Variants in BAHCC1 observed in about 807,000 individuals in gnomAD.
BAHCC1 encodes the protein BAH and coiled-coil domain-containing protein 1.
In BAHCC1, 43 loss-of-function variants were observed where a neutral mutation model predicts 88.2. The observed-to-expected ratio is 0.49, with a 90% CI of 0.38 to 0.63. The LOEUF (loss-of-function observed/expected upper bound fraction) is 0.63, where lower values mean the gene tolerates loss of function less well. Ranked by LOEUF, BAHCC1 falls within the 20% of genes least tolerant of loss-of-function variation. The pLI is 0.00. For missense variants in BAHCC1, 3,023 were observed against 1,654.8 expected (o/e 1.83, Z -14.34); for synonymous variants, 1,510 against 745.5 (o/e 2.03, Z -16.71).
chr17:81,407,571 G>A (rs2063896776), intron 2 of BAHCC1, among the ~76,000 whole-genome samples: 2 of 152,236 alleles, frequency 1.3e-5, no homozygotes, highest in African/African-American at 4.8e-5. Flanking sequence ...CCAGGATGGG[G>A]GTGCCATGGT....
intron 17 of BAHCC1, 114 bp from the exon 18 acceptor site, chr17:81,458,051 C>T (rs2029889367): frequency 1.6e-6 from 1 of 621,468 alleles, no homozygotes; most frequent in African/African-American, 2.1e-5. Flanking sequence ...GCTGGGTAAC[C>T]CGGGGGCGGG....
intron 2 of BAHCC1, among the ~76,000 whole-genome samples, chr17:81,416,242 G>GCGTGTGTGTA (rs782704117): frequency 4.0e-5 from 6 of 150,358 alleles, no homozygotes; most frequent in Non-Finnish European, 8.9e-5. Flanking sequence ...GTGGGTGTAT[G>GCGTGTGTGTA]CGTGTGTGTA....
In BAHCC1 at chr17:81,458,401, C is replaced by A; in HGVS notation, c.5278C>A (p.Gln1760Lys). Residue 1760 changes from glutamine (Q) to lysine (K), a missense_variant, in exon 18 of 28, where the codon CAG (glutamine) becomes AAG (lysine). By Grantham distance (53) the Gln-to-Lys change is moderately conservative. Coordinates refer to ENST00000675386, the MANE Select transcript of BAHCC1 (RefSeq NM_001377448.1). ...RAFACREEGS[Q>K]LASERLKRAT... ...CTTCGCCTGCCGTGAGGAGGGCAGC[C>A]AGCTGGCCAGTGAGCGCCTCAAGAG... is the stretch of plus-strand genomic sequence containing the variant. The A allele has an allele frequency of 1.3e-6, 1 of 743,176 alleles. No individual in the cohort carries two copies. Among genetic ancestry groups the A allele is most frequent in the Non-Finnish European group, 2.5e-6 (1 of 403,116 alleles). 46.0% of individuals were successfully genotyped at this position (743,176 alleles called of 1,614,324 possible).
At chr17:81,425,943 A>G (rs1462288232) in intron 2 of BAHCC1, among the ~76,000 whole-genome samples, 16 of 118,136 alleles carry the variant, frequency 1.4e-4, no homozygotes, top group African/African-American at 5.4e-4. Flanking sequence ...GTGATTGGTG[A>G]TGTGGTTGGT....
intron 10 of BAHCC1, among the ~76,000 whole-genome samples, chr17:81,446,191 A>C (rs2064523544): frequency 6.6e-6 from 1 of 152,108 alleles, no homozygotes; most frequent in Non-Finnish European, 1.5e-5. Context: ...GTCACACTGG[A>C]AACCGTGTGG....
intron 2 of BAHCC1, among the ~76,000 whole-genome samples, chr17:81,418,766 CGTGTGTGTACGT>C (rs1445264083): frequency 7.1e-6 from 1 of 139,974 alleles, no homozygotes; most frequent in South Asian, 2.4e-4. Context: ...TGTGTGTGTA[CGTGTGTGTACGT>C]GTGTGTGTAC....
intron 14 of BAHCC1, among the ~76,000 whole-genome samples, chr17:81,453,358 C>T (rs1269528377): frequency 3.9e-5 from 6 of 152,258 alleles, no homozygotes; most frequent in Non-Finnish European, 4.4e-5. Flanking sequence ...CCGGCAGGCC[C>T]ATTTGCATAA....
In BAHCC1 at chr17:81,444,758, A is replaced by G. The variant is rs782185820; in HGVS notation, c.2603A>G (p.Gln868Arg). The change falls in exon 8 of 28, where the codon CAG (glutamine) becomes CGG (arginine). Residue 868 changes from glutamine to arginine, a missense_variant. Physicochemically the swap from Gln to Arg is conservative, Grantham distance 43 (BLOSUM62 1). Transcript: ENST00000675386. ...GPVPSVFPLP[Q>R]DAPTQLVILP... is the part of the protein sequence containing the mutation. ...GTGCCCTCTGTCTTCCCCCTCCCAC[A>G]GGACGCCCCCACACAGCTGGTCATC... 9.0e-6 allele frequency: 7 copies of G among 778,218 alleles called. No homozygotes were observed. In the African/African-American group the frequency reaches 1.0e-4, roughly 11 times the overall value. 48.2% of individuals were successfully genotyped at this position (778,218 alleles called of 1,614,324 possible). A position where few individuals can be genotyped will look rare whatever the true frequency, so the allele number is the denominator to read the frequency against.
chr17:81,419,235 C>A (rs1304077136), intron 2 of BAHCC1, among the ~76,000 whole-genome samples: 2 of 152,216 alleles, frequency 1.3e-5, no homozygotes, highest in East Asian at 3.9e-4. Context: ...TGGCCTCTCA[C>A]CCCAGGCAGA....
At position 81,399,150 on chromosome 17, in the gene BAHCC1, T is replaced by TGTGC. The variant is rs1555645422; in HGVS notation, c.-206-382_-206-379dup. 5.3e-6 allele frequency: 2 copies of TGTGC among 380,698 alleles called. No homozygotes were observed. Among genetic ancestry groups the TGTGC allele is most frequent in the Non-Finnish European group, 1.1e-5 (2 of 188,870 alleles). The allele number at this position is 380,698 out of a possible 1,614,324, so 23.6% of individuals were successfully genotyped here. A position where few individuals can be genotyped will look rare whatever the true frequency, so the allele number is the denominator to read the frequency against. ...GTGAGTGTGTGTGTGTGTGTGTGTG[T>TGTGC]GTGCGAGTGTGCGTGATGGCTTCGC... On this transcript the variant is annotated intron_variant, in intron 1 of 27. Coordinates refer to ENST00000675386, the MANE Select transcript of BAHCC1 (RefSeq NM_001377448.1). This position sits in a 1 kb window ranked among gnomAD's most constrained non-coding sequence, Gnocchi z 4.5.
chr17:81,429,800 G>C (rs2064239751), intron 3 of BAHCC1, among the ~76,000 whole-genome samples: 1 of 152,176 alleles, frequency 6.6e-6, no homozygotes, highest in Non-Finnish European at 1.5e-5. Context: ...GGCCAGGGTG[G>C]GGCAGGCCAC....
Position 81,416,093 on chromosome 17 carries a change from T to C in BAHCC1, c.179-10707T>C, listed in dbSNP as rs548300399. Among the ~76,000 whole-genome samples the C allele has an allele frequency of 1.7e-4, 25 of 147,990 alleles. No homozygotes were observed. In the East Asian group the frequency reaches 4.5e-3, roughly 27 times the overall value. On this transcript the variant is annotated intron_variant, in intron 2 of 27. Transcript: ENST00000675386. ...GGGTGTATGTGCGTGTGTGCGTGTG[T>C]GTCCATGAGGATGGGTGTGTGTGTG...
intron 17 of BAHCC1, 50 bp from the exon 18 acceptor site, chr17:81,458,115 C>G (rs78579961): frequency 3.1e-4 from 218 of 710,274 alleles, no homozygotes; most frequent in Non-Finnish European, 5.2e-4. Flanking sequence ...CCCAACCAGC[C>G]GGGTCTCTAG....
At chr17:81,426,652 G>C in intron 2 of BAHCC1, 148 bp from the exon 3 acceptor site, 1 of 397,790 alleles carries the variant, frequency 2.5e-6, no homozygotes, top group Non-Finnish European at 4.4e-6. Flanking sequence ...TCCCATCATC[G>C]GTTTCTTGGA....
chr17:81,436,568 C>T (rs1295652851), intron 3 of BAHCC1, among the ~76,000 whole-genome samples: 1 of 152,158 alleles, frequency 6.6e-6, no homozygotes, highest in Non-Finnish European at 1.5e-5. Flanking sequence ...CAAGGCCCTG[C>T]CCCTTGCCCT....
At chr17:81,414,873 G>T (rs1172311251) in intron 2 of BAHCC1, among the ~76,000 whole-genome samples, 1 of 152,184 alleles carries the variant, frequency 6.6e-6, no homozygotes, top group African/African-American at 2.4e-5. Flanking sequence ...GAGAAGTCCT[G>T]TGTGTTCCCT....
Position 81,409,386 on chromosome 17 carries a change from G to A in BAHCC1, c.178+9469G>A, listed in dbSNP as rs868934225. Among the ~76,000 whole-genome samples the A allele has an allele frequency of 5.3e-5, 8 of 152,352 alleles. No individual in the cohort carries two copies. The South Asian group carries it at 8.3e-4, about 16-fold the overall frequency. On this transcript the variant is annotated intron_variant, in intron 2 of 27. Transcript: ENST00000675386. The stretch of plus-strand genomic sequence containing the variant: ...GTCCCCCGAAGGCTGGAGCTGCGCC[G>A]GCTGAGTGGCCTGGGGAAGGGGGGA...
intron 15 of BAHCC1, among the ~76,000 whole-genome samples, 199 bp downstream of exon 15, chr17:81,455,589 G>A (rs2143616891): frequency 6.6e-6 from 1 of 152,322 alleles, no homozygotes; most frequent in East Asian, 1.9e-4. Flanking sequence ...CTGACCGGGT[G>A]GCCCTGCCGC....
chr17:81,447,310 G>A lies in BAHCC1; in HGVS notation c.3438G>A (p.Ala1146=), dbSNP rs782486429. The change falls in exon 11 of 28, where the codon GCG becomes GCA. Residue 1146 remains alanine, a synonymous_variant. Transcript: ENST00000675386. ...PTERGPQGKA[A]DPSPLEGLQE... Reference sequence around the variant, plus strand: ...AGCGGGGACCCCAGGGGAAGGCAGCGGACCCCAGCCCACTAGAGGGGCTAC... The same window carrying A: ...AGCGGGGACCCCAGGGGAAGGCAGCAGACCCCAGCCCACTAGAGGGGCTAC... 16 of 741,146 alleles carry A rather than the reference G, an allele frequency of 2.2e-5. No homozygotes were observed. Among genetic ancestry groups the A allele is most frequent in the Middle Eastern group, 2.3e-4 (1 of 4,324 alleles). 45.9% of individuals were successfully genotyped at this position (741,146 alleles called of 1,614,324 possible).
Sources: allele counts gnomAD v4.1 joint callset (sites outside exome capture counted in the v4.1 genomes callset), GRCh38; gene constraint gnomAD v4.1.1; non-coding constraint Gnocchi (gnomAD v3.1); transcripts MANE v1.5; gene names NCBI Gene and HGNC (gene_info 2026-07-23, HGNC 2026-07-21).